EFCAB3: variants seen among roughly 807,000 people sequenced by gnomAD.
EFCAB3 encodes EF-hand calcium binding domain 3, also known as EF-hand calcium-binding domain-containing protein 3.
A neutral mutation model predicts 42.2 loss-of-function variants in EFCAB3; 36 were observed. That is an observed-to-expected ratio of 0.85 (90% CI 0.65 to 1.13). EFCAB3 has a LOEUF of 1.13. EFCAB3 is among the 50% of genes most tolerant of loss of function. The pLI is 0.00. For missense variants in EFCAB3, 418 were observed against 505.1 expected (o/e 0.83, Z 1.65); for synonymous variants, 170 against 172.8 (o/e 0.98, Z 0.13).
intron 8 of EFCAB3, among the ~76,000 whole-genome samples, chr17:62,412,274 G>T (rs2070504990): frequency 6.7e-6 from 1 of 149,644 alleles, no homozygotes; most frequent in Admixed American, 6.7e-5. Context: ...TACTAGGGAG[G>T]CTGAGGCAGG....
intron 1 of EFCAB3, among the ~76,000 whole-genome samples, chr17:62,381,487 A>G (rs1567720696): frequency 6.6e-6 from 1 of 152,072 alleles, no homozygotes; most frequent in Non-Finnish European, 1.5e-5. Flanking sequence ...TTCTCAAACT[A>G]TGCCAAGTGG....
At chr17:62,376,716 C>T (rs1231819411), upstream of EFCAB3, among the ~76,000 whole-genome samples, 7 of 152,016 alleles carry the variant, frequency 4.6e-5, no homozygotes, top group Non-Finnish European at 1.5e-5. Context: ...AGCGTGATAA[C>T]GTGGAAATAA....
intron 6 of EFCAB3, among the ~76,000 whole-genome samples, chr17:62,405,984 C>T (rs1362813017): frequency 6.6e-6 from 1 of 151,976 alleles, no homozygotes; most frequent in Non-Finnish European, 1.5e-5. Flanking sequence ...AAACCTAACA[C>T]AAAGTAATAA....
chr17:62,379,215 C>T (rs1355993178), upstream of EFCAB3, among the ~76,000 whole-genome samples: 2 of 151,934 alleles, frequency 1.3e-5, no homozygotes, highest in Non-Finnish European at 1.5e-5. Flanking sequence ...GCCAGGATTT[C>T]GAGACCAGTC....
At chr17:62,402,279 A>G (rs556429232) in intron 6 of EFCAB3, among the ~76,000 whole-genome samples, 85 of 152,138 alleles carry the variant, frequency 5.6e-4, no homozygotes, top group African/African-American at 1.7e-3. Flanking sequence ...AATACCCTTT[A>G]TTTCCTTCTC....
chr17:62,407,294 C>A, intron 8 of EFCAB3, 82 bp downstream of exon 8: 2 of 1,233,198 alleles, frequency 1.6e-6, no homozygotes, highest in Non-Finnish European at 2.2e-6. Flanking sequence ...ATGCTTTTTA[C>A]AACAAATAGT....
intron 8 of EFCAB3, among the ~76,000 whole-genome samples, chr17:62,410,091 C>G (rs1474277856): frequency 6.6e-6 from 1 of 152,076 alleles, no homozygotes; most frequent in Non-Finnish European, 1.5e-5. Context: ...CCCAGCTACT[C>G]AGGAGGCTGA....
chr17:62,373,449 A>G (rs1479295098), intron 1 of EFCAB3, among the ~76,000 whole-genome samples: 1 of 136,376 alleles, frequency 7.3e-6, no homozygotes, highest in African/African-American at 3.1e-5. Flanking sequence ...CCCCATCTCT[A>G]CAAAAAAAAA....
intron 7 of EFCAB3, 102 bp downstream of exon 7, chr17:62,406,775 C>A: frequency 8.0e-7 from 1 of 1,257,062 alleles, no homozygotes. Flanking sequence ...AACAGGACTG[C>A]AGCCTATTCT....
intron 8 of EFCAB3, among the ~76,000 whole-genome samples, chr17:62,408,511 A>G (rs1054682769): frequency 2.0e-5 from 3 of 152,194 alleles, no homozygotes; most frequent in African/African-American, 7.2e-5. Flanking sequence ...CACACAATCA[A>G]AACCTGAGCC....
intron 6 of EFCAB3, among the ~76,000 whole-genome samples, chr17:62,399,259 C>T (rs1447776404): frequency 2.0e-5 from 3 of 151,972 alleles, no homozygotes; most frequent in African/African-American, 7.3e-5. Context: ...CCTCAACCTC[C>T]CAGGCTTAAG....
Position 62,413,903 on chromosome 17 carries a change from T to C in EFCAB3, c.990+49T>C, listed in dbSNP as rs569607169. 4 of 1,582,578 alleles carry C rather than the reference T, an allele frequency of 2.5e-6. No homozygotes were observed. The Admixed American group carries it at 5.3e-5, about 21-fold the overall frequency. ...TTCCCAGAAATCACTGACAAAAATA[T>C]TGTCCACTTCAATACTACACCATAA... is the stretch of plus-strand genomic sequence containing the variant. On this transcript the variant is annotated intron_variant, in intron 9 of 9. Coordinates refer to ENST00000305286, the MANE Select transcript of EFCAB3 (RefSeq NM_173503.4).
chr17:62,408,371 A>G (rs1184651529), intron 8 of EFCAB3, among the ~76,000 whole-genome samples: 3 of 152,164 alleles, frequency 2.0e-5, no homozygotes, highest in Non-Finnish European at 2.9e-5. Context: ...TGCTTCTACT[A>G]TTGTCCCCTT....
chr17:62,381,947 G>T, intron 1 of EFCAB3: 1 of 305,402 alleles, frequency 3.3e-6, no homozygotes. Flanking sequence ...CAGCAGAGGA[G>T]AAGATGAGGA....
At chr17:62,404,706 G>A (rs1445580695) in intron 6 of EFCAB3, among the ~76,000 whole-genome samples, 1 of 152,128 alleles carries the variant, frequency 6.6e-6, no homozygotes, top group African/African-American at 2.4e-5. Flanking sequence ...TGAAGCAGGA[G>A]AATCGTTTGA....
At chr17:62,378,335 G>GT (rs1475766495), upstream of EFCAB3, among the ~76,000 whole-genome samples, 1 of 152,112 alleles carries the variant, frequency 6.6e-6, no homozygotes, top group East Asian at 1.9e-4. Context: ...TACAAAGCAG[G>GT]TGTTCCTGAC....
chr17:62,414,201 T>C (rs1216288442), intron 9 of EFCAB3, among the ~76,000 whole-genome samples: 1 of 152,188 alleles, frequency 6.6e-6, no homozygotes, highest in Non-Finnish European at 1.5e-5. Context: ...TGAAAGAATC[T>C]TACGTCCTGA....
chr17:62,404,534 C>T (rs571831583), intron 6 of EFCAB3, among the ~76,000 whole-genome samples: 3 of 152,152 alleles, frequency 2.0e-5, no homozygotes, highest in East Asian at 1.9e-4. Context: ...CGGTGGCTCA[C>T]GCCTGTAATC....
Position 62,414,586 on chromosome 17 carries a change from TG to T in EFCAB3, c.990+733del, listed in dbSNP as rs1213085810. On this transcript the variant is annotated intron_variant, in intron 9 of 9. Transcript: ENST00000305286. Reference sequence around the variant, plus strand: ...CTCAGGTGTTTGTTTGTTTGTTTTGTGTGTGTGTGTGTGTGTGTGTGTGTGT... The same window carrying T: ...CTCAGGTGTTTGTTTGTTTGTTTTGTTGTGTGTGTGTGTGTGTGTGTGTGT... Among the ~76,000 whole-genome samples, 10 of 6,186 alleles carry T rather than the reference TG, an allele frequency of 1.6e-3. No homozygotes were observed. In the Non-Finnish European group the frequency reaches 0.024, roughly 15 times the overall value. The allele number at this position is 6,186 out of a possible 152,430, so 4.1% of individuals were successfully genotyped here.
Sources: gnomAD v4.1 joint callset for allele counts (sites outside exome capture counted in the v4.1 genomes callset) on GRCh38, gnomAD v4.1.1 for gene constraint, MANE v1.5 for transcripts, NCBI Gene and HGNC (gene_info 2026-07-23, HGNC 2026-07-21) for gene names.